Variants in MAD1L1 observed in about 807,000 individuals in gnomAD.
MAD1L1 encodes the protein mitotic spindle assembly checkpoint protein MAD1.
Under a neutral mutation model 96.9 loss-of-function variants are expected in MAD1L1, and 95 were observed. The observed-to-expected ratio is 0.98, with a 90% CI of 0.83 to 1.16. The LOEUF (loss-of-function observed/expected upper bound fraction) is 1.16. Among genes scored for constraint, MAD1L1 ranks in the 50% most tolerant of loss-of-function variants. The pLI is 0.00. For synonymous variants in MAD1L1, 473 were observed against 396.6 expected, an observed-to-expected ratio of 1.19 and a Z score of -2.29; for missense variants, 1,007 against 954.4, an observed-to-expected ratio of 1.06 and a Z score of -0.73.
intron 18 of MAD1L1, among the ~76,000 whole-genome samples, chr7:1,841,360 C>T (rs1261128834): frequency 2.6e-5 from 4 of 152,202 alleles, no homozygotes; most frequent in Non-Finnish European, 5.9e-5. Context: ...ATGAAACAGA[C>T]GAGAAGTCAT....
At chr7:2,123,766 G>C (rs1788096916) in intron 11 of MAD1L1, among the ~76,000 whole-genome samples, 1 of 152,230 alleles carries the variant, frequency 6.6e-6, no homozygotes, top group Admixed American at 6.5e-5. Context: ...TGCAGGTGAG[G>C]AATCAGTCAG....
At chr7:1,833,976 C>G (rs908633570) in intron 18 of MAD1L1, among the ~76,000 whole-genome samples, 1 of 152,022 alleles carries the variant, frequency 6.6e-6, no homozygotes, top group Admixed American at 6.6e-5. Context: ...TAGACCGTTC[C>G]GAGAATGTTC....
chr7:2,015,147 C>T (rs1782478930), intron 12 of MAD1L1, among the ~76,000 whole-genome samples: 1 of 152,192 alleles, frequency 6.6e-6, no homozygotes, highest in African/African-American at 2.4e-5. Context: ...GGGACCTCTG[C>T]CCGGACCTGT....
chr7:1,955,647 C>G (rs531228760), intron 16 of MAD1L1, among the ~76,000 whole-genome samples: 23 of 152,258 alleles, frequency 1.5e-4, no homozygotes, highest in African/African-American at 5.5e-4. Flanking sequence ...CAGGCACACC[C>G]AGCACGGTGA....
intron 15 of MAD1L1, among the ~76,000 whole-genome samples, chr7:1,959,505 G>A (rs765532239): frequency 1.3e-5 from 2 of 152,106 alleles, no homozygotes; most frequent in African/African-American, 2.4e-5. Context: ...GAAAGAAGAC[G>A]CTGGCAGCCC....
intron 11 of MAD1L1, among the ~76,000 whole-genome samples, chr7:2,145,989 C>T (rs945596665): frequency 3.9e-5 from 6 of 152,190 alleles, no homozygotes; most frequent in Non-Finnish European, 5.9e-5. Context: ...CGCTCTGTTC[C>T]GCACATCAGA....
chr7:2,014,408 T>G, intron 13 of MAD1L1, 94 bp downstream of exon 13: 2 of 1,429,418 alleles, frequency 1.4e-6, no homozygotes, highest in East Asian at 2.5e-5. Flanking sequence ...GGAGGCGGGG[T>G]CCAGACCTCC....
chr7:1,898,127 G>T, intron 18 of MAD1L1, 73 bp downstream of exon 18: 2 of 1,470,680 alleles, frequency 1.4e-6, no homozygotes, highest in South Asian at 2.4e-5. Flanking sequence ...TTTGCTGAGG[G>T]CTACGGTCGG....
intron 12 of MAD1L1, among the ~76,000 whole-genome samples, chr7:2,034,703 G>T (rs548095316): frequency 4.6e-5 from 7 of 152,204 alleles, no homozygotes; most frequent in African/African-American, 1.7e-4. Flanking sequence ...ACCTGCGCAC[G>T]TGGGTGTCCG....
chr7:2,074,508 T>C (rs1433748339), intron 11 of MAD1L1, among the ~76,000 whole-genome samples: 3 of 152,166 alleles, frequency 2.0e-5, no homozygotes, highest in Non-Finnish European at 4.4e-5. Context: ...CCCAGGCCTC[T>C]GAGAACAGGG....
chr7:1,857,360 C>G (rs1784308798), intron 18 of MAD1L1, among the ~76,000 whole-genome samples: 1 of 152,170 alleles, frequency 6.6e-6, no homozygotes, highest in Admixed American at 6.5e-5. Flanking sequence ...GGTAGGGCTG[C>G]CTGCCGGTGT....
rs1013694737 is a variant in MAD1L1, at chr7:2,088,823, G to A, written c.1074-19485C>T. 1 of 152,372 alleles carries A rather than the reference G, an allele frequency of 6.6e-6. No homozygotes were observed. Among genetic ancestry groups the A allele is most frequent in the Non-Finnish European group, 1.5e-5 (1 of 68,152 alleles). 9.4% of individuals were successfully genotyped at this position (152,372 alleles called of 1,614,324 possible). ...AGTGAAGCCAAGTCCAGGGTCCACAGAGGAGTTGTGAAGGTTCACACAGGG... is the reference window on the plus strand; with the variant it reads ...AGTGAAGCCAAGTCCAGGGTCCACAAAGGAGTTGTGAAGGTTCACACAGGG... On this transcript the variant is annotated intron_variant, in intron 11 of 18. Transcript: ENST00000265854. The surrounding 1 kb of genome is among the most constrained non-coding windows in gnomAD (Gnocchi z 4.4).
chr7:2,052,761 C>A (rs1345670575), intron 12 of MAD1L1, among the ~76,000 whole-genome samples: 1 of 152,228 alleles, frequency 6.6e-6, no homozygotes, highest in Non-Finnish European at 1.5e-5. Flanking sequence ...ACAGCTACGG[C>A]AGCTGGCATG....
intron 3 of MAD1L1, among the ~76,000 whole-genome samples, chr7:2,229,445 G>C (rs149120446): frequency 2.0e-5 from 3 of 152,216 alleles, no homozygotes; most frequent in African/African-American, 7.2e-5. Context: ...CCAAGAACTT[G>C]TAATGAAACA....
chr7:2,215,751 G>A (rs1197001372), intron 9 of MAD1L1, 134 bp downstream of exon 9: 7 of 780,692 alleles, frequency 9.0e-6, no homozygotes, highest in East Asian at 5.0e-5. Context: ...TGGGGACCAC[G>A]ATTCTGCCTC....
chr7:2,226,724 T>G (rs1262219354), intron 3 of MAD1L1, among the ~76,000 whole-genome samples: 1 of 152,228 alleles, frequency 6.6e-6, no homozygotes, highest in East Asian at 1.9e-4. Flanking sequence ...GTGTGGTGGC[T>G]CACACCTGTA....
intron 11 of MAD1L1, among the ~76,000 whole-genome samples, chr7:2,087,705 T>C (rs1562674236): frequency 6.6e-6 from 1 of 152,186 alleles, no homozygotes. Flanking sequence ...ACAGTGGTAC[T>C]TGGGAAGAGA....
chr7:2,034,221 CT>C (rs565833842), intron 12 of MAD1L1, among the ~76,000 whole-genome samples: 310 of 143,664 alleles, frequency 2.2e-3, no homozygotes, highest in Middle Eastern at 3.6e-3. Flanking sequence ...AAAGAGTCTC[CT>C]TTTTTTTTTT....
chr7:2,023,096 C>T (rs144582539), intron 12 of MAD1L1, among the ~76,000 whole-genome samples: 1 of 152,312 alleles, frequency 6.6e-6, no homozygotes, highest in East Asian at 1.9e-4. Flanking sequence ...CAGTTGGAGG[C>T]TTCAACACCC....
Sources: gnomAD v4.1 joint callset for allele counts (sites outside exome capture counted in the v4.1 genomes callset) on GRCh38, gnomAD v4.1.1 for gene constraint, Gnocchi (gnomAD v3.1) non-coding constraint, MANE v1.5 for transcripts, NCBI Gene and HGNC (gene_info 2026-07-23, HGNC 2026-07-21) for gene names.